Variants in ENAH observed in about 807,000 individuals in gnomAD.
The protein encoded by ENAH is protein enabled homolog.
Under a neutral mutation model 78.7 loss-of-function variants are expected in ENAH, and 23 were observed. The ratio of observed to expected loss-of-function variants is 0.29; its 90% CI spans 0.21 to 0.41. The LOEUF is 0.41. ENAH is among the 10% of genes least tolerant of loss of function. The pLI is 1.00. For synonymous variants in ENAH, 226 were observed against 241.0 expected (o/e 0.94, Z 0.58); for missense variants, 544 against 691.0 (o/e 0.79, Z 2.39).
intron 1 of ENAH, among the ~76,000 whole-genome samples, chr1:225,637,301 G>A (rs1449180708): frequency 6.6e-5 from 10 of 152,114 alleles, no homozygotes; most frequent in African/African-American, 1.4e-4. Flanking sequence ...TCTGTCTCCC[G>A]GGTTCTAACT....
intron 4 of ENAH, among the ~76,000 whole-genome samples, chr1:225,525,538 G>A (rs767714923): frequency 7.9e-5 from 12 of 152,082 alleles, no homozygotes; most frequent in Non-Finnish European, 1.6e-4. Flanking sequence ...CTACCCGTCG[G>A]GAGCCTTCAG....
chr1:225,501,215 T>C, intron 11 of ENAH, 145 bp from the exon 12 acceptor site: 1 of 566,620 alleles, frequency 1.8e-6, no homozygotes, highest in Non-Finnish European at 3.1e-6. Context: ...ATCAAAATTG[T>C]AGGGCTGATT....
chr1:225,552,452 C>G (rs1418523740), intron 3 of ENAH, among the ~76,000 whole-genome samples: 1 of 152,074 alleles, frequency 6.6e-6, no homozygotes, highest in African/African-American at 2.4e-5. Flanking sequence ...TTCTTAACAT[C>G]TTACTCTCTC....
At chr1:225,651,536 C>G (rs1663008433) in intron 1 of ENAH, among the ~76,000 whole-genome samples, 1 of 152,166 alleles carries the variant, frequency 6.6e-6, no homozygotes, top group African/African-American at 2.4e-5. Flanking sequence ...TTATAAAGGT[C>G]TTAGCAACGG....
chr1:225,504,915 A>T, intron 11 of ENAH: 1 of 1,066,380 alleles, frequency 9.4e-7, no homozygotes, highest in Non-Finnish European at 1.4e-6. Flanking sequence ...TTACCAATCC[A>T]GGTAGAAAAA....
chr1:225,624,812 G>C (rs905047946), intron 1 of ENAH, among the ~76,000 whole-genome samples: 8 of 152,112 alleles, frequency 5.3e-5, no homozygotes, highest in African/African-American at 1.4e-4. Context: ...TCCCCTAAAA[G>C]GAAAATGCCC....
chr1:225,498,979 C>G (rs1338406159), intron 12 of ENAH, among the ~76,000 whole-genome samples: 1 of 152,056 alleles, frequency 6.6e-6, no homozygotes, highest in Non-Finnish European at 1.5e-5. Flanking sequence ...ATACGGCAGG[C>G]ACGAATCATA....
At chr1:225,537,731 T>G (rs2096568833) in intron 3 of ENAH, among the ~76,000 whole-genome samples, 2 of 152,200 alleles carry the variant, frequency 1.3e-5, no homozygotes, top group South Asian at 4.2e-4. Flanking sequence ...ACTTTTTTTT[T>G]TTTTTCACGG....
intron 12 of ENAH, among the ~76,000 whole-genome samples, chr1:225,498,682 T>C (rs765394539): frequency 6.6e-6 from 1 of 152,222 alleles, no homozygotes; most frequent in Non-Finnish European, 1.5e-5. Flanking sequence ...ATGAGTCAGA[T>C]AGTTTCTAGA....
At chr1:225,575,123 C>CCGTGA (rs201111409) in intron 1 of ENAH, among the ~76,000 whole-genome samples, 2,002 of 152,262 alleles carry the variant, frequency 0.013, 51 homozygotes, top group African/African-American at 0.045. Flanking sequence ...CCAGAATCCT[C>CCGTGA]CGTGACCCTC....
At chr1:225,561,514 T>A (rs566552232) in intron 2 of ENAH, among the ~76,000 whole-genome samples, 20 of 150,782 alleles carry the variant, frequency 1.3e-4, no homozygotes, top group Non-Finnish European at 2.4e-4. Flanking sequence ...CCCAGCTGCT[T>A]GGGAGGCTGA....
chr1:225,543,810 T>G (rs1443541357), intron 3 of ENAH, among the ~76,000 whole-genome samples: 6 of 152,232 alleles, frequency 3.9e-5, no homozygotes, highest in Admixed American at 3.9e-4. Context: ...TGTCACAATA[T>G]TTTTCATATA....
At chr1:225,639,731 C>A (rs1362096460) in intron 1 of ENAH, among the ~76,000 whole-genome samples, 3 of 149,260 alleles carry the variant, frequency 2.0e-5, no homozygotes, top group Middle Eastern at 6.8e-3. Context: ...CACACACACA[C>A]ACACACACAC....
chr1:225,631,829 G>A (rs1659137831), intron 1 of ENAH, among the ~76,000 whole-genome samples: 1 of 151,784 alleles, frequency 6.6e-6, no homozygotes, highest in African/African-American at 2.4e-5. Context: ...TTAATCCTAG[G>A]TAATAGCATA....
chr1:225,524,564 A>C (rs1278126226), intron 4 of ENAH: 2 of 978,976 alleles, frequency 2.0e-6, no homozygotes, highest in African/African-American at 3.5e-5. Context: ...AAGTTTTAAT[A>C]TTACAAAGCC....
intron 1 of ENAH, among the ~76,000 whole-genome samples, chr1:225,578,418 TGA>T (rs2096798374): frequency 6.6e-6 from 1 of 152,150 alleles, no homozygotes; most frequent in Non-Finnish European, 1.5e-5. Context: ...AAGGTTACAG[TGA>T]GCTATTACTG....
intron 5 of ENAH, chr1:225,517,596 G>C (rs1427826675): frequency 1.9e-6 from 3 of 1,551,250 alleles, no homozygotes; most frequent in Non-Finnish European, 2.6e-6. Flanking sequence ...CTGGGGGGCT[G>C]CTAATCATTA....
At chr1:225,508,241 GA>G (rs1265039490) in intron 10 of ENAH, 12 of 288,522 alleles carry the variant, frequency 4.2e-5, no homozygotes, top group Non-Finnish European at 6.3e-5. Flanking sequence ...AGTTTCCAAG[GA>G]AAACTTACAT....
intron 1 of ENAH, among the ~76,000 whole-genome samples, chr1:225,603,756 T>C (rs757752583): frequency 2.6e-5 from 4 of 152,228 alleles, no homozygotes; most frequent in African/African-American, 9.6e-5. Context: ...ATCTACCAAA[T>C]GTAAAGTTTT....
Sources: gnomAD v4.1 joint callset for allele counts (sites outside exome capture counted in the v4.1 genomes callset) on GRCh38, gnomAD v4.1.1 for gene constraint, MANE v1.5 for transcripts, NCBI Gene and HGNC (gene_info 2026-07-23, HGNC 2026-07-21) for gene names.